Variants in PCDHA6 observed in about 807,000 individuals in gnomAD.
The protein encoded by PCDHA6 is protocadherin alpha-6.
PCDHA6 carries 55 observed loss-of-function variants against 60.3 expected under a neutral mutation model. The observed-to-expected ratio is 0.91, with a 90% CI of 0.73 to 1.14. The LOEUF is 1.14. Among genes scored for constraint, PCDHA6 ranks in the 50% most tolerant of loss-of-function variants. PCDHA6 has a pLI of 0.00. For missense variants in PCDHA6, 1,327 were observed against 1,256.5 expected (o/e 1.06, Z -0.85); for synonymous variants, 652 against 557.9 (o/e 1.17, Z -2.38).
intron 1 of PCDHA6, chr5:140,834,667 T>C (rs1773186748): frequency 5.0e-6 from 8 of 1,614,226 alleles, no homozygotes; most frequent in Non-Finnish European, 6.8e-6. Context: ...CGCGAGGAGC[T>C]GTGCGGGCGG....
intron 1 of PCDHA6, chr5:140,849,645 C>A: frequency 6.3e-7 from 1 of 1,598,746 alleles, no homozygotes; most frequent in Non-Finnish European, 8.6e-7. Flanking sequence ...TGCCAACGGG[C>A]AGGTTACCTG....
At chr5:140,883,349 GA>G in intron 1 of PCDHA6, 1 of 1,614,142 alleles carries the variant, frequency 6.2e-7, no homozygotes, top group Non-Finnish European at 8.5e-7. Flanking sequence ...CCCCATCAGA[GA>G]AGACACTCAG....
intron 1 of PCDHA6, among the ~76,000 whole-genome samples, chr5:140,909,815 C>A (rs1168197798): frequency 3.9e-5 from 6 of 152,094 alleles, no homozygotes; most frequent in Non-Finnish European, 8.8e-5. Flanking sequence ...ACTCCATAAG[C>A]CCCTACTTTA....
chr5:140,856,181 G>T lies in PCDHA6; in HGVS notation c.2394+25696G>T, dbSNP rs781803033. 1.1e-5 allele frequency: 18 copies of T among 1,598,112 alleles called. 2 individuals are homozygous for T. Among genetic ancestry groups the T allele is most frequent in the Middle Eastern group, 3.4e-4 (2 of 5,944 alleles). On this transcript the variant is annotated intron_variant, in intron 1 of 3. Coordinates refer to ENST00000529310, the MANE Select transcript of PCDHA6 (RefSeq NM_018909.4). Reference sequence around the variant, plus strand: ...GGAGGCCAGACACGGCACCTTCGTGGGCCGCATCGCGCAGGACCTGGGGCT... The same window carrying T: ...GGAGGCCAGACACGGCACCTTCGTGTGCCGCATCGCGCAGGACCTGGGGCT...
At chr5:140,869,211 G>T (rs375218342) in intron 1 of PCDHA6, 2 of 1,613,956 alleles carry the variant, frequency 1.2e-6, no homozygotes, top group Non-Finnish European at 1.7e-6. Context: ...ACTCCGTCTC[G>T]GAGGAGGCCA....
chr5:140,990,296 T>C (rs1231552034), intron 3 of PCDHA6, among the ~76,000 whole-genome samples: 12 of 152,300 alleles, frequency 7.9e-5, no homozygotes, highest in African/African-American at 2.9e-4. Flanking sequence ...ATCGATGCCA[T>C]TGTCTGTAAA....
At chr5:140,905,842 T>C (rs2072141061) in intron 1 of PCDHA6, among the ~76,000 whole-genome samples, 1 of 152,148 alleles carries the variant, frequency 6.6e-6, no homozygotes, top group Non-Finnish European at 1.5e-5. Flanking sequence ...GGGGAGTTTA[T>C]TAAGGAGTAT....
chr5:140,947,905 G>C (rs181055131), intron 1 of PCDHA6, among the ~76,000 whole-genome samples: 1 of 151,610 alleles, frequency 6.6e-6, no homozygotes, highest in East Asian at 1.9e-4. Flanking sequence ...GGTGAGAGCA[G>C]ACATTCTTGC....
chr5:140,976,546 A>G (rs2096722070), intron 1 of PCDHA6, among the ~76,000 whole-genome samples: 1 of 152,086 alleles, frequency 6.6e-6, no homozygotes, highest in Non-Finnish European at 1.5e-5. Context: ...GTAAGACCCT[A>G]TCTCATAAAT....
intron 3 of PCDHA6, among the ~76,000 whole-genome samples, chr5:140,993,462 T>TCTCACA (rs1235362335): frequency 7.1e-6 from 1 of 140,938 alleles, no homozygotes; most frequent in Non-Finnish European, 1.5e-5. Flanking sequence ...TCTTTCTTTC[T>TCTCACA]CACACACACA....
At chr5:140,888,173 T>A (rs1231331780) in intron 1 of PCDHA6, among the ~76,000 whole-genome samples, 1 of 152,224 alleles carries the variant, frequency 6.6e-6, no homozygotes, top group African/African-American at 2.4e-5. Context: ...AATAAGATGC[T>A]AGACATTGTG....
intron 1 of PCDHA6, among the ~76,000 whole-genome samples, chr5:140,952,008 G>A (rs1427518321): frequency 6.6e-6 from 1 of 152,132 alleles, no homozygotes; most frequent in Non-Finnish European, 1.5e-5. Context: ...AAGAATTATA[G>A]GCCCCATGCA....
chr5:140,883,962 T>G, intron 1 of PCDHA6: 3 of 1,613,126 alleles, frequency 1.9e-6, no homozygotes, highest in Non-Finnish European at 2.5e-6. Context: ...GCTCCGGCGC[T>G]GCTGACGCCC....
rs782448077 is a variant in PCDHA6 at position 140,870,373 on chromosome 5, G to T, written c.2394+39888G>T. 68 of 1,614,118 alleles carry T rather than the reference G, an allele frequency of 4.2e-5. No individual in the cohort carries two copies. In the Admixed American group the frequency reaches 5.3e-4, roughly 13 times the overall value. On this transcript the variant is annotated intron_variant, in intron 1 of 3. Coordinates refer to ENST00000529310, the MANE Select transcript of PCDHA6 (RefSeq NM_018909.4). The stretch of plus-strand genomic sequence containing the variant: ...GAACGTGTGGGCCTATGAACTGGTG[G>T]TGACTGCGCGGGATGGGGGTTCGCC...
chr5:140,940,265 C>T (rs782351194), intron 1 of PCDHA6, among the ~76,000 whole-genome samples: 1 of 152,116 alleles, frequency 6.6e-6, no homozygotes, highest in Non-Finnish European at 1.5e-5. Flanking sequence ...CTTCTGGGTT[C>T]CACTGTTGTC....
At chr5:141,005,315 G>A (rs1554259986) in intron 3 of PCDHA6, among the ~76,000 whole-genome samples, 1 of 152,186 alleles carries the variant, frequency 6.6e-6, no homozygotes, top group Non-Finnish European at 1.5e-5. Flanking sequence ...TCTTACAGTG[G>A]TAGAGAATAA....
chr5:141,000,395 C>CTCTATAAA (rs1213762225), intron 3 of PCDHA6, among the ~76,000 whole-genome samples: 2 of 53,986 alleles, frequency 3.7e-5, no homozygotes, highest in African/African-American at 1.5e-4. Context: ...CTCTCTCTCT[C>CTCTATAAA]TATATATATA....
chr5:140,993,532 A>C (rs1159592677), intron 3 of PCDHA6, among the ~76,000 whole-genome samples: 1 of 151,984 alleles, frequency 6.6e-6, no homozygotes, highest in African/African-American at 2.4e-5. Flanking sequence ...ACAGAGAGAG[A>C]GAGAGATAGA....
At chr5:140,888,994 T>G (rs1486471421) in intron 1 of PCDHA6, among the ~76,000 whole-genome samples, 1 of 152,272 alleles carries the variant, frequency 6.6e-6, no homozygotes, top group African/African-American at 2.4e-5. Context: ...TATGATTTTC[T>G]TATGGCAAAC....
Sources: allele counts gnomAD v4.1 joint callset (sites outside exome capture counted in the v4.1 genomes callset), GRCh38; gene constraint gnomAD v4.1.1; transcripts MANE v1.5; gene names NCBI Gene and HGNC (gene_info 2026-07-23, HGNC 2026-07-21).